Variants in CCDC178 observed in about 807,000 individuals in gnomAD.
The protein encoded by CCDC178 is coiled-coil domain-containing protein 178.
In CCDC178, 126 loss-of-function variants were observed where a neutral mutation model predicts 117.4. The ratio of observed to expected loss-of-function variants is 1.07; its 90% CI spans 0.93 to 1.24. CCDC178 has a LOEUF of 1.24. CCDC178 is among the 50% of genes most tolerant of loss of function. The pLI is 0.00. For missense variants in CCDC178, 1,030 were observed against 986.9 expected (o/e 1.04, Z -0.59); for synonymous variants, 283 against 313.4 (o/e 0.90, Z 1.02).
rs1443512800 is a variant in CCDC178, at chr18:33,011,777, A to T, written c.2389-37096T>A. On this transcript the variant is annotated intron_variant, in intron 21 of 22. Coordinates refer to ENST00000383096, the MANE Select transcript of CCDC178 (RefSeq NM_001105528.4). The stretch of plus-strand genomic sequence containing the variant: ...TGATTGAGCAGAATGCAAAAAAAAA[A>T]AAAAAAAAAAAAAAAAAAAAAAAAA... Among the ~76,000 whole-genome samples the T allele has an allele frequency of 4.6e-3, 481 of 104,768 alleles. 5 individuals carry two copies. The highest frequency in any genetic ancestry group is 0.018 in the African/African-American group (425 of 23,110). 68.7% of individuals were successfully genotyped at this position (104,768 alleles called of 152,430 possible). A position where few individuals can be genotyped will look rare whatever the true frequency, so the allele number is the denominator to read the frequency against.
At chr18:33,402,697 T>C (rs377517549) in intron 3 of CCDC178, among the ~76,000 whole-genome samples, 64 of 152,342 alleles carry the variant, frequency 4.2e-4, no homozygotes, top group South Asian at 1.7e-3. Flanking sequence ...CAGTGGTTCT[T>C]AACCAGAATA....
chr18:32,937,933 G>A lies in CCDC178; in HGVS notation c.*78C>T, dbSNP rs933525237. 1.8e-6 allele frequency: 2 copies of A among 1,110,418 alleles called. No individual in the cohort carries two copies. 68.8% of individuals were successfully genotyped at this position (1,110,418 alleles called of 1,614,324 possible). A position where few individuals can be genotyped will look rare whatever the true frequency, so the allele number is the denominator to read the frequency against. The stretch of plus-strand genomic sequence containing the variant: ...AGTGTGAAATGGCAAACAGGTGAAT[G>A]TCCAATTACACTGTTATCTGAACTG... On this transcript the variant is annotated 3_prime_UTR_variant, in exon 23 of 23. Transcript: ENST00000383096.
intron 11 of CCDC178, among the ~76,000 whole-genome samples, chr18:33,315,651 T>C (rs1025225624): frequency 9.2e-5 from 14 of 152,188 alleles, no homozygotes; most frequent in African/African-American, 3.4e-4. Flanking sequence ...AGGCCCCATA[T>C]TGTCAAAAGT....
At chr18:33,073,547 CTATCTATA>C (rs1325056630) in intron 21 of CCDC178, among the ~76,000 whole-genome samples, 6,922 of 121,632 alleles carry the variant, frequency 0.057, 248 homozygotes, top group African/African-American at 0.12. Flanking sequence ...ATCTATCTAT[CTATCTATA>C]TATATATCTT....
intron 20 of CCDC178, among the ~76,000 whole-genome samples, chr18:33,208,448 CATG>C (rs2059070998): frequency 1.3e-5 from 2 of 151,972 alleles, no homozygotes; most frequent in African/African-American, 4.8e-5. Context: ...TGGATGTGGT[CATG>C]ATATTTATAA....
intron 20 of CCDC178, among the ~76,000 whole-genome samples, chr18:33,164,103 CTTTTTTTTTT>C (rs34932085): frequency 1.5e-4 from 17 of 111,380 alleles, no homozygotes; most frequent in Non-Finnish European, 2.9e-4. Flanking sequence ...CGCTTACATT[CTTTTTTTTTT>C]TTTTTTTTTT....
At chr18:33,114,286 C>A (rs1808386358) in intron 20 of CCDC178, among the ~76,000 whole-genome samples, 1 of 152,000 alleles carries the variant, frequency 6.6e-6, no homozygotes, top group South Asian at 2.1e-4. Context: ...CAGAGAATGT[C>A]TGCAGCACAT....
At chr18:33,397,253 G>T in intron 3 of CCDC178, 45 bp from the exon 4 acceptor site, 1 of 1,333,388 alleles carries the variant, frequency 7.5e-7, no homozygotes, top group Non-Finnish European at 1.1e-6. Flanking sequence ...TGCTTCCTGA[G>T]TCAAATATTC....
intron 14 of CCDC178, among the ~76,000 whole-genome samples, chr18:33,260,159 C>T (rs1025449434): frequency 2.0e-5 from 3 of 152,058 alleles, no homozygotes; most frequent in African/African-American, 7.2e-5. Context: ...ACCATTTTGC[C>T]TGCTTCTGAA....
intron 15 of CCDC178, among the ~76,000 whole-genome samples, chr18:33,234,882 T>A (rs573981854): frequency 6.6e-6 from 1 of 152,294 alleles, no homozygotes; most frequent in African/African-American, 2.4e-5. Context: ...ATTAATAGAA[T>A]GTTCATTTTA....
chr18:33,087,740 C>T (rs1223328685), intron 21 of CCDC178, among the ~76,000 whole-genome samples: 2 of 152,082 alleles, frequency 1.3e-5, no homozygotes, highest in African/African-American at 4.8e-5. Flanking sequence ...ATTAAACAAG[C>T]AGACAGAATT....
chr18:33,079,951 T>C (rs1473476841), intron 21 of CCDC178, among the ~76,000 whole-genome samples: 1 of 152,174 alleles, frequency 6.6e-6, no homozygotes, highest in Non-Finnish European at 1.5e-5. Flanking sequence ...ATAGAAATCA[T>C]TCTACCATAA....
chr18:33,167,433 C>T (rs1281515437), intron 20 of CCDC178, among the ~76,000 whole-genome samples: 2 of 152,052 alleles, frequency 1.3e-5, no homozygotes, highest in South Asian at 2.1e-4. Context: ...TGTTATTTTT[C>T]GATGTTTTAG....
intron 15 of CCDC178, among the ~76,000 whole-genome samples, chr18:33,232,285 C>G (rs535552318): frequency 1.3e-5 from 2 of 150,724 alleles, no homozygotes; most frequent in Non-Finnish European, 2.9e-5. Context: ...GAAAGGAGGA[C>G]AAACAGTCAA....
chr18:33,331,944 T>G (rs747339034), intron 10 of CCDC178, among the ~76,000 whole-genome samples: 1 of 152,226 alleles, frequency 6.6e-6, no homozygotes, highest in Admixed American at 6.5e-5. Context: ...TACAGTCAAA[T>G]AAGCAGTTTT....
intron 9 of CCDC178, among the ~76,000 whole-genome samples, chr18:33,334,876 T>C (rs1687859712): frequency 1.3e-5 from 2 of 152,176 alleles, no homozygotes; most frequent in African/African-American, 2.4e-5. Flanking sequence ...ATTTTGATTA[T>C]CTATTCAGCA....
At chr18:33,165,752 A>G (rs1198737403) in intron 20 of CCDC178, among the ~76,000 whole-genome samples, 5 of 152,192 alleles carry the variant, frequency 3.3e-5, no homozygotes, top group African/African-American at 1.2e-4. Context: ...CACAGCTCCA[A>G]ATATCACACA....
At position 33,292,854 on chromosome 18, in the gene CCDC178, C is replaced by T. The variant is rs534543570; in HGVS notation, c.1176+305G>A. 2.0e-4 allele frequency among the ~76,000 whole-genome samples: 31 copies of T among 152,058 alleles called. 1 individual carries two copies. The South Asian group carries it at 6.5e-3, about 32-fold the overall frequency. On this transcript the variant is annotated intron_variant, in intron 12 of 22. Transcript: ENST00000383096. The stretch of plus-strand genomic sequence containing the variant: ...TAAAAATAGTGTTATCCTGGAGTCT[C>T]CAGACAGAAGTGCCAGGCTACTGAC...
intron 11 of CCDC178, among the ~76,000 whole-genome samples, chr18:33,311,902 G>C (rs1325372375): frequency 1.3e-5 from 2 of 152,126 alleles, no homozygotes; most frequent in African/African-American, 2.4e-5. Flanking sequence ...GATTATAGGA[G>C]TGTGAAGGAA....
Sources: gnomAD v4.1 joint callset for allele counts (sites outside exome capture counted in the v4.1 genomes callset) on GRCh38, gnomAD v4.1.1 for gene constraint, MANE v1.5 for transcripts, NCBI Gene and HGNC (gene_info 2026-07-23, HGNC 2026-07-21) for gene names.